Variants in NELL2 observed in about 807,000 individuals in gnomAD.
The protein encoded by NELL2 is protein kinase C-binding protein NELL2.
A neutral mutation model predicts 109.6 loss-of-function variants in NELL2; 41 were observed. The ratio of observed to expected loss-of-function variants is 0.37; its 90% CI spans 0.29 to 0.49. NELL2 has a LOEUF of 0.49. NELL2 is among the 20% of genes least tolerant of loss of function. NELL2 has a pLI of 0.98. For missense variants in NELL2, 900 were observed against 1,008.3 expected, an observed-to-expected ratio of 0.89 and a Z score of 1.45; for synonymous variants, 355 against 344.7, an observed-to-expected ratio of 1.03 and a Z score of -0.33.
At chr12:44,870,931 A>G (rs1425030286) in intron 2 of NELL2, among the ~76,000 whole-genome samples, 1 of 152,156 alleles carries the variant, frequency 6.6e-6, no homozygotes, top group Non-Finnish European at 1.5e-5. Context: ...ACCATAATAT[A>G]TATTTCCATA....
intron 3 of NELL2, among the ~76,000 whole-genome samples, chr12:44,810,843 T>G (rs1207914534): frequency 1.3e-5 from 2 of 152,182 alleles, no homozygotes; most frequent in Non-Finnish European, 2.9e-5. Flanking sequence ...ATTACCAATT[T>G]TTTAAGAAAG....
intron 2 of NELL2, among the ~76,000 whole-genome samples, chr12:44,828,331 G>C (rs1943780340): frequency 6.6e-6 from 1 of 152,050 alleles, no homozygotes. Flanking sequence ...TACATTACTG[G>C]TTTAGGAGAG....
At chr12:44,622,209 G>A (rs1016213070) in intron 13 of NELL2, among the ~76,000 whole-genome samples, 4 of 151,812 alleles carry the variant, frequency 2.6e-5, no homozygotes, top group African/African-American at 4.8e-5. Context: ...TGTAACACCC[G>A]TGAGATTTAA....
chr12:44,589,374 G>C (rs1944660574), intron 15 of NELL2, among the ~76,000 whole-genome samples: 1 of 145,118 alleles, frequency 6.9e-6, no homozygotes, highest in Non-Finnish European at 1.5e-5. Flanking sequence ...CAAGCACAAA[G>C]AGACACTACT....
chr12:44,818,268 A>G (rs1303221088), intron 2 of NELL2, among the ~76,000 whole-genome samples: 1 of 152,258 alleles, frequency 6.6e-6, no homozygotes, highest in Admixed American at 6.5e-5. Context: ...TAATTTATAC[A>G]GAAGTGAATC....
intron 12 of NELL2, among the ~76,000 whole-genome samples, chr12:44,690,071 T>A (rs1948853525): frequency 6.6e-6 from 1 of 152,208 alleles, no homozygotes; most frequent in Non-Finnish European, 1.5e-5. Flanking sequence ...CACTTTAATG[T>A]GCATAAGAAT....
chr12:44,779,763 C>CA lies in NELL2; in HGVS notation c.510-5dup, dbSNP rs755276023. 8 of 1,613,324 alleles carry CA rather than the reference C, an allele frequency of 5.0e-6. No homozygotes were observed. The African/African-American group carries it at 5.3e-5, about 11-fold the overall frequency. On this transcript the variant is annotated splice_region_variant and splice_polypyrimidine_tract_variant and intron_variant, in intron 4 of 19. Coordinates refer to ENST00000429094, the MANE Select transcript of NELL2 (RefSeq NM_001145108.2). ...TTCTACTACCCTTTCATAAATTCTG[C>CA]AAAAAAGAAACATCAAAGAAGGAAC...
At chr12:44,542,527 C>T (rs1338816076) in intron 15 of NELL2, among the ~76,000 whole-genome samples, 2 of 152,092 alleles carry the variant, frequency 1.3e-5, no homozygotes, top group South Asian at 4.1e-4. Flanking sequence ...CAGAATATGA[C>T]CTTATTTAGA....
At chr12:44,847,459 G>C (rs891706452) in intron 2 of NELL2, among the ~76,000 whole-genome samples, 1 of 151,696 alleles carries the variant, frequency 6.6e-6, no homozygotes, top group African/African-American at 2.4e-5. Flanking sequence ...TGTGTAACAG[G>C]GATAATATTT....
At chr12:44,808,909 AGAT>A (rs1349984470) in intron 3 of NELL2, among the ~76,000 whole-genome samples, 2 of 152,064 alleles carry the variant, frequency 1.3e-5, no homozygotes, top group African/African-American at 2.4e-5. Context: ...TTAATACAGA[AGAT>A]GATGACAAAC....
intron 13 of NELL2, among the ~76,000 whole-genome samples, chr12:44,652,076 T>C (rs1056959991): frequency 2.6e-5 from 4 of 152,180 alleles, no homozygotes; most frequent in African/African-American, 7.2e-5. Flanking sequence ...TGAGAGCTAA[T>C]TGTGGCCCAT....
At chr12:44,617,831 C>T (rs1188242936) in intron 13 of NELL2, among the ~76,000 whole-genome samples, 1 of 151,344 alleles carries the variant, frequency 6.6e-6, no homozygotes, top group Non-Finnish European at 1.5e-5. Context: ...ATTTCTTTTG[C>T]TTTTGCTAGA....
chr12:44,800,317 T>G (rs1007251670), intron 3 of NELL2, among the ~76,000 whole-genome samples: 1 of 152,140 alleles, frequency 6.6e-6, no homozygotes, highest in Non-Finnish European at 1.5e-5. Flanking sequence ...AGGGAGGAAT[T>G]TGGCGATATC....
At chr12:44,566,527 A>T (rs1035078455) in intron 15 of NELL2, among the ~76,000 whole-genome samples, 5 of 68,554 alleles carry the variant, frequency 7.3e-5, no homozygotes, top group Non-Finnish European at 1.4e-4. Flanking sequence ...TAGATATTAC[A>T]CATACTCACA....
chr12:44,740,797 G>T (rs908790269), intron 9 of NELL2, among the ~76,000 whole-genome samples: 1 of 152,098 alleles, frequency 6.6e-6, no homozygotes, highest in African/African-American at 2.4e-5. Context: ...CTGAATTTTA[G>T]AAAGAGGCAG....
chr12:44,521,305 C>T (rs1054279829), intron 18 of NELL2, among the ~76,000 whole-genome samples: 7 of 151,954 alleles, frequency 4.6e-5, no homozygotes, highest in East Asian at 1.9e-4. Context: ...CCGAGGCGGG[C>T]GGATCACGAG....
chr12:44,875,787 C>T, intron 1 of NELL2, 28 bp downstream of exon 1: 1 of 1,612,762 alleles, frequency 6.2e-7, no homozygotes, highest in Non-Finnish European at 8.5e-7. Flanking sequence ...CCATCCCTTT[C>T]CCCAGCCCCA....
chr12:44,766,620 CTCTTAAAT>C (rs1393002558), intron 9 of NELL2, among the ~76,000 whole-genome samples: 1 of 152,140 alleles, frequency 6.6e-6, no homozygotes, highest in Non-Finnish European at 1.5e-5. Context: ...TTTTTCTTCT[CTCTTAAAT>C]TGGGTCTCCT....
intron 15 of NELL2, among the ~76,000 whole-genome samples, chr12:44,548,390 A>C (rs1311287643): frequency 1.3e-5 from 2 of 152,116 alleles, no homozygotes; most frequent in Non-Finnish European, 2.9e-5. Context: ...AAAAGAAAAA[A>C]AAACATTAGC....
Sources: allele counts gnomAD v4.1 joint callset (sites outside exome capture counted in the v4.1 genomes callset), GRCh38; gene constraint gnomAD v4.1.1; transcripts MANE v1.5; gene names NCBI Gene and HGNC (gene_info 2026-07-23, HGNC 2026-07-21).